The following FAM167A variants were observed in gnomAD, a reference collection of about 807,000 sequenced individuals.
The protein encoded by FAM167A is protein FAM167A.
A neutral mutation model predicts 14.9 loss-of-function variants in FAM167A; 23 were observed. The observed-to-expected ratio is 1.55, with a 90% CI of 1.11 to 2.19. The LOEUF is 2.19. FAM167A is among the 30% of genes most tolerant of loss of function. The pLI is 0.00. For missense variants in FAM167A, 401 were observed against 281.5 expected (o/e 1.42, Z -3.04); for synonymous variants, 174 against 117.7 (o/e 1.48, Z -3.10).
chr8:11,436,580 G>T (rs370953431), intron 2 of FAM167A, among the ~76,000 whole-genome samples: 1 of 152,234 alleles, frequency 6.6e-6, no homozygotes, highest in Non-Finnish European at 1.5e-5. Flanking sequence ...CCCCTGCACG[G>T]CCTTCTCAAT....
Position 11,421,866 on chromosome 8 carries a change from C to G in FAM167A, c.*2507G>C. ...GACGGAGGTTAGGCCAATGTTGCTG[C>G]TGACTCATAGACCCACAGAGAGCAG... On this transcript the variant is annotated 3_prime_UTR_variant, in exon 3 of 3. Transcript: ENST00000284486. 1 of 394,416 alleles carries G rather than the reference C, an allele frequency of 2.5e-6. No individual in the cohort carries two copies. Among genetic ancestry groups the G allele is most frequent in the Non-Finnish European group, 4.5e-6 (1 of 222,916 alleles). The allele number at this position is 394,416 out of a possible 1,614,324, so 24.4% of individuals were successfully genotyped here.
At position 11,423,919 on chromosome 8, in the gene FAM167A, G is replaced by A. The variant is rs1279675511; in HGVS notation, c.*454C>T. On this transcript the variant is annotated 3_prime_UTR_variant, in exon 3 of 3. Transcript: ENST00000284486. ...GGTGAATTTGAGACAATACTTAGAGGACAGCAACAGCACGTGAGACAGGCA... is the reference window on the plus strand; with the variant it reads ...GGTGAATTTGAGACAATACTTAGAGAACAGCAACAGCACGTGAGACAGGCA... The A allele has an allele frequency of 1.1e-5, 2 of 183,302 alleles. No individual in the cohort carries two copies. The highest frequency in any genetic ancestry group is 4.7e-5 in the African/African-American group (2 of 42,732). The allele number at this position is 183,302 out of a possible 1,614,324, so 11.4% of individuals were successfully genotyped here.
intron 1 of FAM167A, among the ~76,000 whole-genome samples, chr8:11,475,803 C>G (rs1400507905): frequency 6.6e-6 from 1 of 152,160 alleles, no homozygotes; most frequent in Admixed American, 6.5e-5. Context: ...TCCCCCAACT[C>G]AAATTGCTGC....
At chr8:11,449,288 G>GT (rs1209920249) in intron 1 of FAM167A, among the ~76,000 whole-genome samples, 1 of 152,262 alleles carries the variant, frequency 6.6e-6, no homozygotes, top group Non-Finnish European at 1.5e-5. Flanking sequence ...GCGCAGGGAC[G>GT]TGACAGCAGA....
chr8:11,445,535 C>T, intron 1 of FAM167A: 1 of 985,550 alleles, frequency 1.0e-6, no homozygotes, highest in Non-Finnish European at 1.2e-6. Context: ...TAGAACGAGG[C>T]TTCTCGTGTT....
intron 1 of FAM167A, among the ~76,000 whole-genome samples, chr8:11,448,835 G>C (rs1806902850): frequency 6.6e-6 from 1 of 152,240 alleles, no homozygotes; most frequent in South Asian, 2.1e-4. Context: ...TCTGGTCCCA[G>C]CACTGCTGAC....
rs905876284 is a variant in FAM167A, at chr8:11,424,103, C to T, written c.*270G>A. 6 of 431,162 alleles carry T rather than the reference C, an allele frequency of 1.4e-5. No individual in the cohort carries two copies. Among genetic ancestry groups the T allele is most frequent in the Admixed American group, 7.3e-5 (2 of 27,394 alleles). 26.7% of individuals were successfully genotyped at this position (431,162 alleles called of 1,614,324 possible). On this transcript the variant is annotated 3_prime_UTR_variant, in exon 3 of 3. Coordinates refer to ENST00000284486, the MANE Select transcript of FAM167A (RefSeq NM_053279.3). ...GTGGAGGGATGGATTATGGTGGGAA[C>T]CCAGGTCTCCTTTAACATCTTGGTT...
intron 2 of FAM167A, among the ~76,000 whole-genome samples, chr8:11,433,463 C>T (rs150727672): frequency 6.6e-6 from 1 of 152,168 alleles, no homozygotes; most frequent in East Asian, 1.9e-4. Flanking sequence ...CTTACGAAAC[C>T]CTCTGTTCTT....
intron 1 of FAM167A, among the ~76,000 whole-genome samples, chr8:11,457,030 A>ATGGGCGGGGCTGGGTTAAGGAAG (rs1807350155): frequency 2.8e-5 from 1 of 35,842 alleles, no homozygotes; most frequent in Non-Finnish European, 5.1e-5. Context: ...GGTTAGGGGT[A>ATGGGCGGGGCTGGGTTAAGGAAG]TGGGCGGGGC....
At position 11,466,670 on chromosome 8, in the gene FAM167A, CG is replaced by C. The variant is rs1200759732; in HGVS notation, c.-443del. ...CCTGCTGGGGACTCGCCGGTGTCCCCGCCGCCTCCTCCTGCGCGGGTCCGCG... is the reference window on the plus strand; with the variant it reads ...CCTGCTGGGGACTCGCCGGTGTCCCCCCGCCTCCTCCTGCGCGGGTCCGCG... On this transcript the variant is annotated 5_prime_UTR_variant, in exon 1 of 3. Coordinates refer to ENST00000284486, the MANE Select transcript of FAM167A (RefSeq NM_053279.3). The C allele has an allele frequency of 1.3e-5, 2 of 152,604 alleles. No homozygotes were observed. The highest frequency in any genetic ancestry group is 3.8e-4 in the East Asian group (2 of 5,196). 9.5% of individuals were successfully genotyped at this position (152,604 alleles called of 1,614,324 possible). A position where few individuals can be genotyped will look rare whatever the true frequency, so the allele number is the denominator to read the frequency against.
At chr8:11,462,373 C>A (rs529649690) in intron 1 of FAM167A, among the ~76,000 whole-genome samples, 1 of 152,184 alleles carries the variant, frequency 6.6e-6, no homozygotes. Context: ...TGTAATGGAT[C>A]GTACCTCACA....
At chr8:11,461,594 C>T (rs924028477) in intron 1 of FAM167A, among the ~76,000 whole-genome samples, 1 of 152,266 alleles carries the variant, frequency 6.6e-6, no homozygotes, top group African/African-American at 2.4e-5. Flanking sequence ...GACACCAGGG[C>T]ACAGCTAAGG....
intron 2 of FAM167A, among the ~76,000 whole-genome samples, chr8:11,440,112 G>A (rs1294684402): frequency 1.3e-5 from 2 of 152,180 alleles, no homozygotes; most frequent in Admixed American, 6.5e-5. Context: ...GACCTGAGCA[G>A]CCTAGAACTG....
chr8:11,428,615 G>T (rs1249116982), intron 2 of FAM167A, among the ~76,000 whole-genome samples: 1 of 152,184 alleles, frequency 6.6e-6, no homozygotes. Context: ...TGAGCATCTC[G>T]CTAGGATGCA....
intron 1 of FAM167A, 79 bp downstream of exon 1, chr8:11,466,547 C>A (rs965376569): frequency 2.0e-5 from 3 of 152,546 alleles, no homozygotes; most frequent in Admixed American, 6.5e-5. Context: ...GACGCCTCAG[C>A]CCCTGCCCAG....
At chr8:11,429,802 G>T (rs1326801908) in intron 2 of FAM167A, among the ~76,000 whole-genome samples, 1 of 152,168 alleles carries the variant, frequency 6.6e-6, no homozygotes, top group African/African-American at 2.4e-5. Context: ...TCGTTGGGTG[G>T]CAAGTCACTG....
chr8:11,442,820 A>G lies in FAM167A; in HGVS notation c.381+1211T>C, dbSNP rs562484878. On this transcript the variant is annotated intron_variant, in intron 2 of 2. Transcript: ENST00000284486. ...CGTTACTAAAGACGGATATAATAGA[A>G]TGGTGTGTTCTGAGAAGCACTCTCG... Among the ~76,000 whole-genome samples the G allele has an allele frequency of 1.5e-4, 23 of 152,202 alleles. No homozygotes were observed. The South Asian group carries it at 3.3e-3, about 22-fold the overall frequency.
At chr8:11,436,610 C>T (rs1806036631) in intron 2 of FAM167A, among the ~76,000 whole-genome samples, 1 of 152,208 alleles carries the variant, frequency 6.6e-6, no homozygotes, top group East Asian at 1.9e-4. Flanking sequence ...AGGAAGGCCT[C>T]CCCCATCTGC....
chr8:11,451,807 T>C (rs749562664), intron 1 of FAM167A, among the ~76,000 whole-genome samples: 1 of 152,126 alleles, frequency 6.6e-6, no homozygotes, highest in East Asian at 1.9e-4. Flanking sequence ...CTTAGCCAAA[T>C]TGTCTCTGCT....
Sources: allele counts gnomAD v4.1 joint callset (sites outside exome capture counted in the v4.1 genomes callset), GRCh38; gene constraint gnomAD v4.1.1; transcripts MANE v1.5; gene names NCBI Gene and HGNC (gene_info 2026-07-23, HGNC 2026-07-21).